The following ALS2CL variants were observed in gnomAD, a reference collection of about 807,000 sequenced individuals.
ALS2CL encodes the protein ALS2 C-terminal-like protein.
In ALS2CL, 112 loss-of-function variants were observed where a neutral mutation model predicts 127.9. That is an observed-to-expected ratio of 0.88 (90% CI 0.75 to 1.02). ALS2CL has a LOEUF of 1.02. Among genes scored for constraint, ALS2CL ranks in the 50% least tolerant of loss-of-function variants. The pLI, the probability that ALS2CL is intolerant of heterozygous loss-of-function variation, is 0.00. For synonymous variants in ALS2CL, 519 were observed against 527.6 expected, an observed-to-expected ratio of 0.98 and a Z score of 0.22; for missense variants, 1,174 against 1,236.7, an observed-to-expected ratio of 0.95 and a Z score of 0.76.
Position 46,672,121 on chromosome 3 carries a change from C to A in ALS2CL, c.2534+19G>T, listed in dbSNP as rs564912464. ...ACACTCTGCCTCCGGACCCCCAACCCACTACGGCTCACACTCACATGATCT... is the reference window on the plus strand; with the variant it reads ...ACACTCTGCCTCCGGACCCCCAACCAACTACGGCTCACACTCACATGATCT... On this transcript the variant is annotated intron_variant, in intron 23 of 25. Coordinates refer to ENST00000318962, the MANE Select transcript of ALS2CL (RefSeq NM_147129.5). The A allele has an allele frequency of 1.9e-6, 3 of 1,614,182 alleles. No homozygotes were observed. Among genetic ancestry groups the A allele is most frequent in the Non-Finnish European group, 2.5e-6 (3 of 1,180,044 alleles).
chr3:46,676,617 T>C (rs1413476519), intron 18 of ALS2CL, 25 bp downstream of exon 18: 1 of 1,610,054 alleles, frequency 6.2e-7, no homozygotes. Context: ...TGTCACCCCC[T>C]TGGCCACCCC....
At position 46,682,060 on chromosome 3, in the gene ALS2CL, C is replaced by T. The variant is rs150842143; in HGVS notation, c.1144G>A (p.Val382Met). 1.4e-5 allele frequency: 23 copies of T among 1,613,932 alleles called. No individual in the cohort carries two copies. The highest frequency in any genetic ancestry group is 1.6e-4 in the Middle Eastern group (1 of 6,084). ...TCCAGGCCCTGGCAGAAATTCCCCACGTGATTCCGCCCATCCGGCCATTTC... is the reference window on the plus strand; with the variant it reads ...TCCAGGCCCTGGCAGAAATTCCCCATGTGATTCCGCCCATCCGGCCATTTC... The part of the protein sequence containing the change: ...TLKWPDGRNH[V>M]GNFCQGLEHG... Residue 382 changes from valine (V) to methionine (M), a missense_variant, in exon 11 of 26, where the codon GTG (valine) becomes ATG (methionine). Val to Met is a conservative substitution (Grantham distance 21). Coordinates refer to ENST00000318962, the MANE Select transcript of ALS2CL (RefSeq NM_147129.5).
At chr3:46,673,497 G>T (rs1698573272) in intron 21 of ALS2CL, 116 bp from the exon 22 acceptor site, 1 of 1,097,118 alleles carries the variant, frequency 9.1e-7, no homozygotes, top group Admixed American at 2.2e-5. Flanking sequence ...CCTGAAAAGG[G>T]GAAGGAGATC....
intron 7 of ALS2CL, 111 bp downstream of exon 7, chr3:46,685,414 C>T (rs1699685518): frequency 2.6e-6 from 4 of 1,521,774 alleles, no homozygotes; most frequent in Middle Eastern, 1.8e-4. Flanking sequence ...CTGACCATCC[C>T]TCCCAGCCCA....
At chr3:46,693,050 A>C (rs1479737359) in intron 1 of ALS2CL, among the ~76,000 whole-genome samples, 1 of 152,020 alleles carries the variant, frequency 6.6e-6, no homozygotes, top group Admixed American at 6.6e-5. Flanking sequence ...TGCCCCAGGG[A>C]GGGGGCGCTG....
Position 46,674,660 on chromosome 3 carries a change from G to A in ALS2CL, c.2335C>T (p.Leu779Phe), listed in dbSNP as rs769134532. The A allele has an allele frequency of 2.5e-6, 4 of 1,614,048 alleles. No homozygotes were observed. Among genetic ancestry groups the A allele is most frequent in the Non-Finnish European group, 3.4e-6 (4 of 1,180,042 alleles). The change falls in exon 21 of 26, where the codon CTT becomes TTT. Residue 779 changes from leucine (L) to phenylalanine (F), a missense_variant. Physicochemically the swap from Leu to Phe is conservative, Grantham distance 22. Transcript: ENST00000318962. ...YSELFTLYLL[L>F]HEREDSFYSQ... ...TAGAAGCTGTCCTCCCGCTCATGAAGCAGCAGGTAGAGCGTGAAGAGCTCT... is the reference window on the plus strand; with the variant it reads ...TAGAAGCTGTCCTCCCGCTCATGAAACAGCAGGTAGAGCGTGAAGAGCTCT...
At chr3:46,677,959 C>A (rs62246182) in intron 16 of ALS2CL, among the ~76,000 whole-genome samples, 1 of 139,942 alleles carries the variant, frequency 7.1e-6, no homozygotes, top group Admixed American at 7.2e-5. Flanking sequence ...TTTTTTTTTC[C>A]TGTATGTTTG....
Position 46,671,013 on chromosome 3 carries a change from C to T in ALS2CL, c.2833G>A (p.Gly945Ser). 3.7e-6 allele frequency: 6 copies of T among 1,614,166 alleles called. No individual in the cohort carries two copies. Among genetic ancestry groups the T allele is most frequent in the Non-Finnish European group, 5.1e-6 (6 of 1,180,008 alleles). ...CAGAGCTCCCTGGAGTGCCAGTGGCCAGGTAAGCGGTGCAGCCTCATGTCT... is the reference window on the plus strand; with the variant it reads ...CAGAGCTCCCTGGAGTGCCAGTGGCTAGGTAAGCGGTGCAGCCTCATGTCT... Reference protein sequence around the residue: ...KEDMRLHRLPGHWHSRELW With the variant: ...KEDMRLHRLPSHWHSRELW Residue 945 changes from glycine (G) to serine (S), a missense_variant, in exon 26 of 26, where the codon GGC (glycine) becomes AGC (serine). Physicochemically the swap from Gly to Ser is moderately conservative, Grantham distance 56. Coordinates refer to ENST00000318962, the MANE Select transcript of ALS2CL (RefSeq NM_147129.5).
At position 46,671,757 on chromosome 3, in the gene ALS2CL, TG is replaced by T. The variant is rs1698407434; in HGVS notation, c.2684+126del. The T allele has an allele frequency of 1.4e-5, 22 of 1,525,044 alleles. No homozygotes were observed. In the South Asian group the frequency reaches 2.7e-4, roughly 19 times the overall value. 94.5% of individuals were successfully genotyped at this position (1,525,044 alleles called of 1,614,324 possible). On this transcript the variant is annotated intron_variant, in intron 24 of 25. Coordinates refer to ENST00000318962, the MANE Select transcript of ALS2CL (RefSeq NM_147129.5). ...CTGGGACCCTCCCTTTTCTGGGCCT[TG>T]GCTTCCCCATCTGTACAGAGAGAAG...
chr3:46,685,094 T>C (rs1021027494), intron 7 of ALS2CL, among the ~76,000 whole-genome samples: 1 of 152,152 alleles, frequency 6.6e-6, no homozygotes, highest in Non-Finnish European at 1.5e-5. Flanking sequence ...AGGGTACTTT[T>C]CTCTAGAAGC....
Position 46,686,199 on chromosome 3 carries a change from T to G in ALS2CL, c.666+109A>C. On this transcript the variant is annotated intron_variant, in intron 6 of 25. Transcript: ENST00000318962. The surrounding 1 kb of genome is among the most constrained non-coding windows in gnomAD (Gnocchi z 4.3). ...GCTTCAGCCATCACTCCCCCTTCCATATAGGGAAACTGAGGCCCAGAGAAT... is the reference window on the plus strand; with the variant it reads ...GCTTCAGCCATCACTCCCCCTTCCAGATAGGGAAACTGAGGCCCAGAGAAT... 7.9e-6 allele frequency: 11 copies of G among 1,400,850 alleles called. No individual in the cohort carries two copies. The highest frequency in any genetic ancestry group is 9.5e-6 in the Non-Finnish European group (10 of 1,057,892). The allele number at this position is 1,400,850 out of a possible 1,614,324, so 86.8% of individuals were successfully genotyped here. A position where few individuals can be genotyped will look rare whatever the true frequency, so the allele number is the denominator to read the frequency against.
chr3:46,677,152 T>TG, intron 16 of ALS2CL, 130 bp from the exon 17 acceptor site: 1 of 1,465,690 alleles, frequency 6.8e-7, no homozygotes, highest in Non-Finnish European at 9.0e-7. Context: ...GAAGGGTGGA[T>TG]GGATTGAACC....
At chr3:46,679,004 G>A (rs976258182) in intron 15 of ALS2CL, among the ~76,000 whole-genome samples, 1 of 152,158 alleles carries the variant, frequency 6.6e-6, no homozygotes, top group Non-Finnish European at 1.5e-5. Context: ...CTGGATAGCA[G>A]GCAAGGCCAC....
intron 10 of ALS2CL, 56 bp from the exon 11 acceptor site, chr3:46,682,150 A>C: frequency 1.1e-4 from 168 of 1,582,116 alleles, no homozygotes; most frequent in Non-Finnish European, 1.3e-4. Flanking sequence ...CAGCAACCTC[A>C]GCCACCTACT....
chr3:46,687,472 A>T, intron 4 of ALS2CL, 147 bp downstream of exon 4: 1 of 924,990 alleles, frequency 1.1e-6, no homozygotes, highest in Non-Finnish European at 1.6e-6. Flanking sequence ...TCCAGTGTGG[A>T]TCAGTGCAGA....
At position 46,669,641 on chromosome 3, in the gene ALS2CL, CT is replaced by C. The variant is rs1206609068; in HGVS notation, c.*1342del. ...ACCCCCTTCCTGGGGGTGTCACAGGCTCCTGGCAGAACCAGAGCCCATGCCC... is the reference window on the plus strand; with the variant it reads ...ACCCCCTTCCTGGGGGTGTCACAGGCCCTGGCAGAACCAGAGCCCATGCCC... On this transcript the variant is annotated 3_prime_UTR_variant, in exon 26 of 26. Transcript: ENST00000318962. 2 of 152,270 alleles carry C rather than the reference CT, an allele frequency of 1.3e-5. No individual in the cohort carries two copies. Among genetic ancestry groups the C allele is most frequent in the African/African-American group, 4.8e-5 (2 of 41,470 alleles). The allele number at this position is 152,270 out of a possible 1,614,324, so 9.4% of individuals were successfully genotyped here.
At chr3:46,688,723 T>C (rs1163485966) in intron 2 of ALS2CL, among the ~76,000 whole-genome samples, 1 of 152,206 alleles carries the variant, frequency 6.6e-6, no homozygotes, top group Non-Finnish European at 1.5e-5. Context: ...CAGGTGAGAA[T>C]TAAACTGGAA....
At chr3:46,673,601 C>A (rs1698580595) in intron 21 of ALS2CL, among the ~76,000 whole-genome samples, 1 of 152,056 alleles carries the variant, frequency 6.6e-6, no homozygotes, top group African/African-American at 2.4e-5. Flanking sequence ...CTTGTATGAG[C>A]CAGGTCGTGG....
At chr3:46,685,777 G>T in intron 6 of ALS2CL, 133 bp from the exon 7 acceptor site, 1 of 1,276,002 alleles carries the variant, frequency 7.8e-7, no homozygotes, top group Non-Finnish European at 1.1e-6. Context: ...CGGACCCTGG[G>T]TCAGAGATAG....
Sources: allele counts gnomAD v4.1 joint callset (sites outside exome capture counted in the v4.1 genomes callset), GRCh38; gene constraint gnomAD v4.1.1; non-coding constraint Gnocchi (gnomAD v3.1); transcripts MANE v1.5; gene names NCBI Gene and HGNC (gene_info 2026-07-23, HGNC 2026-07-21).